FHIT: variants seen among roughly 807,000 people sequenced by gnomAD.
FHIT encodes the protein fragile histidine triad diadenosine triphosphatase.
A neutral mutation model predicts 17.9 loss-of-function variants in FHIT; 19 were observed. The ratio of observed to expected loss-of-function variants is 1.06; its 90% CI spans 0.74 to 1.56. The LOEUF (loss-of-function observed/expected upper bound fraction) is 1.56, where lower values mean the gene tolerates loss of function less well. Among genes scored for constraint, FHIT ranks in the 40% most tolerant of loss-of-function variants. The probability of loss-of-function intolerance (pLI) is 0.00; values close to 1 mark genes in which losing one functional copy is unlikely to be tolerated. For missense variants in FHIT, 248 were observed against 189.2 expected (o/e 1.31, Z -1.82); for synonymous variants, 81 against 69.7 (o/e 1.16, Z -0.81).
chr3:60,522,201 C>G (rs371228250), intron 5 of FHIT, among the ~76,000 whole-genome samples: 7 of 151,752 alleles, frequency 4.6e-5, no homozygotes, highest in Admixed American at 1.3e-4. Context: ...CTTCTGCCCC[C>G]CTGAGTTCAA....
intron 8 of FHIT, among the ~76,000 whole-genome samples, chr3:59,805,474 G>C (rs1326007482): frequency 1.3e-5 from 2 of 152,114 alleles, no homozygotes; most frequent in African/African-American, 4.8e-5. Flanking sequence ...TCATTGGAGA[G>C]GTGCCCTGAA....
chr3:60,820,738 C>T (rs2736745), intron 4 of FHIT, among the ~76,000 whole-genome samples: 128,041 of 152,146 alleles, frequency 0.84, 54,902 homozygotes, highest in East Asian at 0.95. Context: ...AAAAGGAATA[C>T]AGTATCTTTG....
intron 9 of FHIT, chr3:59,749,892 G>C (rs999855999): frequency 2.2e-5 from 5 of 225,624 alleles, no homozygotes; most frequent in Non-Finnish European, 4.4e-5. Flanking sequence ...AGGACCCTAA[G>C]TTGTTTGCCA....
chr3:60,277,481 C>T (rs979683452), intron 5 of FHIT, among the ~76,000 whole-genome samples: 19 of 152,144 alleles, frequency 1.2e-4, no homozygotes, highest in African/African-American at 4.6e-4. Flanking sequence ...AAAATGGCAG[C>T]TCCATCTTCC....
intron 3 of FHIT, among the ~76,000 whole-genome samples, chr3:61,011,503 C>A (rs1481728381): frequency 6.6e-6 from 1 of 152,004 alleles, no homozygotes; most frequent in African/African-American, 2.4e-5. Context: ...CACTAAATGG[C>A]CCTAACTTAG....
intron 5 of FHIT, among the ~76,000 whole-genome samples, chr3:60,465,557 G>T (rs1032505103): frequency 6.6e-6 from 1 of 151,974 alleles, no homozygotes; most frequent in East Asian, 1.9e-4. Context: ...ATTTTGATTT[G>T]ATTTTTGTAT....
intron 5 of FHIT, among the ~76,000 whole-genome samples, chr3:60,087,439 A>C (rs558823306): frequency 6.6e-6 from 1 of 152,334 alleles, no homozygotes; most frequent in South Asian, 2.1e-4. Context: ...CTTTCCCACC[A>C]AATGGCCAGG....
At chr3:60,064,574 A>T (rs959305475) in intron 5 of FHIT, among the ~76,000 whole-genome samples, 2 of 152,202 alleles carry the variant, frequency 1.3e-5, no homozygotes, top group African/African-American at 2.4e-5. Flanking sequence ...CTACCATGTG[A>T]GCAGCTCTAG....
intron 4 of FHIT, among the ~76,000 whole-genome samples, chr3:60,679,670 T>C (rs1373037393): frequency 6.6e-6 from 1 of 152,128 alleles, no homozygotes; most frequent in Non-Finnish European, 1.5e-5. Flanking sequence ...AGTATAATAA[T>C]GAATTTTTGC....
intron 3 of FHIT, among the ~76,000 whole-genome samples, chr3:60,825,011 T>C (rs1702064516): frequency 6.6e-6 from 1 of 152,228 alleles, no homozygotes; most frequent in Admixed American, 6.5e-5. Flanking sequence ...TCTACTTTAT[T>C]TCTATCAGAC....
chr3:60,107,150 C>CTTT (rs540311961), intron 5 of FHIT, among the ~76,000 whole-genome samples: 1,075 of 95,096 alleles, frequency 0.011, 44 homozygotes, highest in African/African-American at 0.039. Context: ...AGCTTTAATT[C>CTTT]TTTTTTTTTT....
At chr3:60,876,354 G>C (rs969501614) in intron 3 of FHIT, among the ~76,000 whole-genome samples, 1 of 152,268 alleles carries the variant, frequency 6.6e-6, no homozygotes, top group Non-Finnish European at 1.5e-5. Flanking sequence ...ATTGATTACT[G>C]ACTTCTAATT....
intron 4 of FHIT, among the ~76,000 whole-genome samples, chr3:60,552,965 A>G (rs2036609012): frequency 6.6e-6 from 1 of 152,140 alleles, no homozygotes; most frequent in Non-Finnish European, 1.5e-5. Flanking sequence ...GCATGTCTAC[A>G]TGGTCCCGGT....
intron 3 of FHIT, among the ~76,000 whole-genome samples, chr3:60,835,575 C>A (rs145539361): frequency 2.0e-5 from 3 of 152,200 alleles, no homozygotes; most frequent in Non-Finnish European, 4.4e-5. Context: ...TATCTCATAT[C>A]CTGCCACCTT....
chr3:61,110,023 C>T (rs1241081887), intron 2 of FHIT, among the ~76,000 whole-genome samples: 1 of 152,202 alleles, frequency 6.6e-6, no homozygotes, highest in Non-Finnish European at 1.5e-5. Context: ...CCCCAACAGT[C>T]TCAGCTTCTG....
At chr3:61,209,737 C>T (rs1286321598) in intron 1 of FHIT, among the ~76,000 whole-genome samples, 2 of 152,078 alleles carry the variant, frequency 1.3e-5, no homozygotes, top group African/African-American at 4.8e-5. Context: ...AGGTTTTTAA[C>T]TTCTTTGCCA....
At chr3:60,068,554 G>C (rs1702621846) in intron 5 of FHIT, among the ~76,000 whole-genome samples, 1 of 152,188 alleles carries the variant, frequency 6.6e-6, no homozygotes, top group Non-Finnish European at 1.5e-5. Flanking sequence ...GGAAGTGGTA[G>C]AAACCCCACC....
intron 3 of FHIT, among the ~76,000 whole-genome samples, chr3:60,840,811 T>C (rs1194698386): frequency 6.6e-6 from 1 of 152,180 alleles, no homozygotes; most frequent in East Asian, 1.9e-4. Context: ...ATGAATGAAG[T>C]TTTGCCCATA....
chr3:60,496,081 C>A (rs887854287), intron 5 of FHIT, among the ~76,000 whole-genome samples: 27 of 152,008 alleles, frequency 1.8e-4, no homozygotes, highest in African/African-American at 6.5e-4. Context: ...GATATTAACA[C>A]TGGGAATATA....
Sources: allele counts gnomAD v4.1 joint callset (sites outside exome capture counted in the v4.1 genomes callset), GRCh38; gene constraint gnomAD v4.1.1; transcripts MANE v1.5; gene names NCBI Gene and HGNC (gene_info 2026-07-23, HGNC 2026-07-21).